ERC1: variants seen among roughly 807,000 people sequenced by gnomAD.
ERC1 encodes ELKS/RAB6-interacting/CAST family member 1.
A neutral mutation model predicts 132.0 loss-of-function variants in ERC1; 56 were observed. That is an observed-to-expected ratio of 0.42 (90% CI 0.34 to 0.53). The LOEUF is 0.53. Ranked by LOEUF, ERC1 falls within the 20% of genes least tolerant of loss-of-function variation. The pLI is 0.03. For missense variants in ERC1, 1,202 were observed against 1,349.9 expected, an observed-to-expected ratio of 0.89 and a Z score of 1.72; for synonymous variants, 478 against 476.1, an observed-to-expected ratio of 1.00 and a Z score of -0.05.
chr12:1,324,014 C>A (rs1345315730), intron 15 of ERC1, among the ~76,000 whole-genome samples: 1 of 152,156 alleles, frequency 6.6e-6, no homozygotes, highest in Non-Finnish European at 1.5e-5. Context: ...AAAGATTGGT[C>A]ATTGGTCTTG....
chr12:1,069,271 C>T (rs1939878759), intron 2 of ERC1, among the ~76,000 whole-genome samples: 1 of 152,098 alleles, frequency 6.6e-6, no homozygotes, highest in Non-Finnish European at 1.5e-5. Flanking sequence ...GCATTCCAGG[C>T]TGGATATCTG....
At chr12:1,080,764 G>A (rs1166107575) in intron 2 of ERC1, among the ~76,000 whole-genome samples, 1 of 151,986 alleles carries the variant, frequency 6.6e-6, no homozygotes, top group Admixed American at 6.6e-5. Flanking sequence ...CAGCCATGTG[G>A]AACTGTAAGT....
chr12:1,393,667 G>A (rs112473460), intron 16 of ERC1, among the ~76,000 whole-genome samples: 3,902 of 142,266 alleles, frequency 0.027, 193 homozygotes, highest in African/African-American at 0.097. Flanking sequence ...TTGGATTCTT[G>A]AAGATCACTT....
rs536782698 is a variant in ERC1, at chr12:1,129,120, C to G, written c.1570-12500C>G. Among the ~76,000 whole-genome samples, 3 of 151,890 alleles carry G rather than the reference C, an allele frequency of 2.0e-5. No individual in the cohort carries two copies. In the South Asian group the frequency reaches 6.2e-4, roughly 32 times the overall value. On this transcript the variant is annotated intron_variant, in intron 7 of 18. Transcript: ENST00000360905. ...TTCTTCAATTCAGGAACAAATTATT[C>G]TTGAGCAGGAAAATATCTACACCTA...
Position 1,083,319 on chromosome 12 carries a change from G to A in ERC1, c.825G>A (p.Glu275=), listed in dbSNP as rs1403893280. ...TTCAGAGGCTTCATGCTGAGCATGAGCGGCAGGCCAAAGAGCTGTTTCTTC... is the reference window on the plus strand; with the variant it reads ...TTCAGAGGCTTCATGCTGAGCATGAACGGCAGGCCAAAGAGCTGTTTCTTC... ...ENFQRLHAEH[E]RQAKELFLLR... Residue 275 remains glutamate, a synonymous_variant, in exon 3 of 19, where the codon GAG becomes GAA. Coordinates refer to ENST00000360905, the MANE Select transcript of ERC1 (RefSeq NM_178040.4). 5.0e-6 allele frequency: 8 copies of A among 1,614,160 alleles called. No homozygotes were observed. The highest frequency in any genetic ancestry group is 6.8e-6 in the Non-Finnish European group (8 of 1,180,026).
intron 15 of ERC1, among the ~76,000 whole-genome samples, chr12:1,324,147 T>C (rs1024821014): frequency 6.6e-6 from 1 of 152,250 alleles, no homozygotes; most frequent in Non-Finnish European, 1.5e-5. Flanking sequence ...TAAATTACAA[T>C]GAGCAAGTGA....
intron 14 of ERC1, among the ~76,000 whole-genome samples, chr12:1,289,416 A>G (rs2079275159): frequency 6.6e-6 from 1 of 151,954 alleles, no homozygotes. Flanking sequence ...AGGACTAAAA[A>G]TTATTCGTCT....
intron 14 of ERC1, among the ~76,000 whole-genome samples, chr12:1,278,259 T>G (rs1036728364): frequency 3.3e-5 from 5 of 152,230 alleles, no homozygotes; most frequent in African/African-American, 7.2e-5. Context: ...ATCTCCATGT[T>G]TAGACTTCTC....
At chr12:1,205,426 T>G (rs1034928402) in intron 12 of ERC1, among the ~76,000 whole-genome samples, 13 of 151,364 alleles carry the variant, frequency 8.6e-5, no homozygotes, top group Admixed American at 6.6e-5. Flanking sequence ...TATATATATA[T>G]ATAGATATAT....
At chr12:1,489,577 T>C (rs893769159) in intron 18 of ERC1, among the ~76,000 whole-genome samples, 3 of 152,364 alleles carry the variant, frequency 2.0e-5, no homozygotes, top group Middle Eastern at 3.4e-3. Context: ...GTTAGAAATA[T>C]ACTTACTTCT....
chr12:1,260,807 C>G (rs371753831), intron 13 of ERC1, among the ~76,000 whole-genome samples: 1 of 152,178 alleles, frequency 6.6e-6, no homozygotes, highest in Non-Finnish European at 1.5e-5. Context: ...AGCTTTACAT[C>G]GAAATGTTAT....
rs536645389 is a variant in ERC1, at chr12:1,114,905, T to A, written c.1402-961T>A. The stretch of plus-strand genomic sequence containing the variant: ...TTGGTGTTCCTCAAAGGTCTAATTT[T>A]AATTAATGTGAAATTTATTTCTTCA... On this transcript the variant is annotated intron_variant, in intron 6 of 18. Coordinates refer to ENST00000360905, the MANE Select transcript of ERC1 (RefSeq NM_178040.4). 3.4e-4 allele frequency among the ~76,000 whole-genome samples: 52 copies of A among 152,364 alleles called. No homozygotes were observed. The Middle Eastern group carries it at 0.017, about 50-fold the overall frequency.
At chr12:1,083,860 C>T (rs1156254605) in intron 3 of ERC1, among the ~76,000 whole-genome samples, 1 of 152,110 alleles carries the variant, frequency 6.6e-6, no homozygotes, top group East Asian at 1.9e-4. Context: ...TAAAAAATTC[C>T]TTGATTTTTC....
At chr12:1,220,045 C>A (rs1252540822) in intron 12 of ERC1, among the ~76,000 whole-genome samples, 4 of 152,160 alleles carry the variant, frequency 2.6e-5, no homozygotes, top group Non-Finnish European at 4.4e-5. Flanking sequence ...CTCCACCTAT[C>A]AGCTTTTTTG....
In ERC1 at chr12:1,491,402, C is replaced by G. The variant is rs1460080614; in HGVS notation, c.*1172C>G. On this transcript the variant is annotated 3_prime_UTR_variant, in exon 19 of 19. Transcript: ENST00000360905. ...ACATTCCTTCCTCGGTTATTTCATT[C>G]AGAGAATATTTATGAAATGCCTACT... 8.7e-6 allele frequency: 2 copies of G among 230,832 alleles called. No individual in the cohort carries two copies. The highest frequency in any genetic ancestry group is 4.4e-5 in the African/African-American group (2 of 45,240). 14.3% of individuals were successfully genotyped at this position (230,832 alleles called of 1,614,324 possible).
intron 17 of ERC1, among the ~76,000 whole-genome samples, chr12:1,418,489 A>G (rs1342991997): frequency 1.3e-5 from 2 of 152,062 alleles, no homozygotes; most frequent in African/African-American, 2.4e-5. Context: ...ATTAGACCCA[A>G]TTGTCCTCAA....
rs1256564311 is a variant in ERC1 at position 1,494,380 on chromosome 12, G to C, written c.*4150G>C. ...AGTTTCCCCCATGCAAATTAGGGAA[G>C]AATTAGGCAAGAAAAGACATACATT... On this transcript the variant is annotated 3_prime_UTR_variant, in exon 19 of 19. Coordinates refer to ENST00000360905, the MANE Select transcript of ERC1 (RefSeq NM_178040.4). 4.3e-6 allele frequency: 1 copy of C among 232,010 alleles called. No homozygotes were observed. Among genetic ancestry groups the C allele is most frequent in the Non-Finnish European group, 8.5e-6 (1 of 117,292 alleles). 14.4% of individuals were successfully genotyped at this position (232,010 alleles called of 1,614,324 possible). A position where few individuals can be genotyped will look rare whatever the true frequency, so the allele number is the denominator to read the frequency against.
At chr12:1,167,688 A>G (rs762064923) in intron 8 of ERC1, among the ~76,000 whole-genome samples, 4 of 151,188 alleles carry the variant, frequency 2.6e-5, no homozygotes, top group African/African-American at 4.8e-5. Flanking sequence ...GCAAAATTCT[A>G]TAAGATCTTT....
chr12:1,358,746 C>A (rs983141776), intron 15 of ERC1, among the ~76,000 whole-genome samples: 9 of 152,188 alleles, frequency 5.9e-5, no homozygotes, highest in African/African-American at 2.2e-4. Context: ...GCTTCCCGCT[C>A]ATAGACTGAA....
Sources: gnomAD v4.1 joint callset for allele counts (sites outside exome capture counted in the v4.1 genomes callset) on GRCh38, gnomAD v4.1.1 for gene constraint, MANE v1.5 for transcripts, NCBI Gene and HGNC (gene_info 2026-07-23, HGNC 2026-07-21) for gene names.